Variants in KBTBD3 observed in about 807,000 individuals in gnomAD.
The protein encoded by KBTBD3 is kelch repeat and BTB domain containing 3.
KBTBD3 carries 38 observed loss-of-function variants against 49.6 expected under a neutral mutation model. That is an observed-to-expected ratio of 0.77 (90% CI 0.59 to 1.00). The LOEUF is 1.00. Ranked by LOEUF, KBTBD3 falls within the 50% of genes least tolerant of loss-of-function variation. The pLI is 0.00. For missense variants in KBTBD3, 661 were observed against 712.0 expected (o/e 0.93, Z 0.81); for synonymous variants, 214 against 250.4 (o/e 0.85, Z 1.37).
At chr11:106,069,210 T>C (rs570956492) in intron 2 of KBTBD3, among the ~76,000 whole-genome samples, 1 of 152,140 alleles carries the variant, frequency 6.6e-6, no homozygotes, top group Non-Finnish European at 1.5e-5. Context: ...AAGTATATTA[T>C]TCAGTTTCCA....
In KBTBD3 at chr11:106,054,116, T is replaced by C; in HGVS notation, c.573A>G (p.Leu191=). 3.1e-6 allele frequency: 5 copies of C among 1,613,148 alleles called. No individual in the cohort carries two copies. The highest frequency in any genetic ancestry group is 2.2e-5 in the South Asian group (2 of 90,992). ...FSLLFKSSDF[L]EMNFGVLQKC... ...TCTGTAGTACTCCAAAATTCATCTC[T>C]AAGAAATCACTGGATTTAAATAATA... The change falls in exon 4 of 4, where the codon TTA becomes TTG. Residue 191 remains leucine (L), a synonymous_variant. Transcript: ENST00000531837.
At position 106,058,984 on chromosome 11, in the gene KBTBD3, GA is replaced by G; in HGVS notation, c.113del (p.Ile38ThrfsTer2). The G allele has an allele frequency of 6.4e-7, 1 of 1,551,402 alleles. No individual in the cohort carries two copies. Among genetic ancestry groups the G allele is most frequent in the Non-Finnish European group, 8.6e-7 (1 of 1,158,778 alleles). On this transcript the variant is annotated frameshift_variant, in exon 3 of 4. Transcript: ENST00000531837. LOFTEE classifies it high-confidence loss of function. ...CTCTAAAATTCTGTAGTACACTTAAGATTTTTTGTCCATGATCTTCTGATAC... is the reference window on the plus strand; with the variant it reads ...CTCTAAAATTCTGTAGTACACTTAAGTTTTTTGTCCATGATCTTCTGATAC... Reference protein sequence around the residue: ...FLVSEDHGQKILSVLQNFREQ... With the variant: ...FLVSEDHGQKXLSVLQNFREQ...
chr11:106,054,094 G>A lies in KBTBD3; in HGVS notation c.595C>T (p.Gln199Ter), dbSNP rs559319502. ...AATTCATCTGATTCCAGACATTTCTGTAGTACTCCAAAATTCATCTCTAAG... is the reference window on the plus strand; with the variant it reads ...AATTCATCTGATTCCAGACATTTCTATAGTACTCCAAAATTCATCTCTAAG... ...DFLEMNFGVL[Q>*]KCLESDELNV... The change falls in exon 4 of 4, where the codon CAG (glutamine) becomes TAG (stop). Residue 199 changes from glutamine to a stop codon, truncating the protein, a stop_gained. Transcript: ENST00000531837. LOFTEE classifies it high-confidence loss of function. 24 of 1,613,286 alleles carry A rather than the reference G, an allele frequency of 1.5e-5. No individual in the cohort carries two copies. Among genetic ancestry groups the A allele is most frequent in the Admixed American group, 1.2e-4 (7 of 59,874 alleles).
At chr11:106,072,316 G>A (rs148492170) in intron 2 of KBTBD3, among the ~76,000 whole-genome samples, 647 of 152,186 alleles carry the variant, frequency 4.3e-3, no homozygotes, top group Non-Finnish European at 4.7e-3. Flanking sequence ...CTCAGCCAAT[G>A]AATTTTGCTC....
In KBTBD3 at chr11:106,058,920, C is replaced by T. The variant is rs749811272; in HGVS notation, c.178G>A (p.Asp60Asn). 37 of 1,575,750 alleles carry T rather than the reference C, an allele frequency of 2.3e-5. No homozygotes were observed. Among genetic ancestry groups the T allele is most frequent in the Non-Finnish European group, 3.1e-5 (36 of 1,168,280 alleles). ...CAACGATGACACGGGATTATTTCATCTTTCATAATTATTTTGAAATCATAA... is the reference window on the plus strand; with the variant it reads ...CAACGATGACACGGGATTATTTCATTTTTCATAATTATTTTGAAATCATAA... The part of the protein sequence containing the change: ...VFYDFKIIMK[D>N]EIIPCHRCVL... The change falls in exon 3 of 4, where the codon GAT becomes AAT. Residue 60 changes from aspartate (D) to asparagine (N), a missense_variant. Transcript: ENST00000531837.
chr11:106,063,718 G>T (rs1018645621), intron 2 of KBTBD3, among the ~76,000 whole-genome samples: 1 of 151,940 alleles, frequency 6.6e-6, no homozygotes, highest in Non-Finnish European at 1.5e-5. Context: ...AGATCACATG[G>T]TCAAGAGATC....
chr11:106,054,333 T>C lies in KBTBD3; in HGVS notation c.356A>G (p.Asp119Gly), dbSNP rs1368832774. ...YAYTGKTKIT[D>G]DNVEMFFQLS... ...CTGGAAGAACATTTCCACATTATCA[T>C]CTGTTATTTTTGTTTTTCCAGTATA... Residue 119 changes from aspartate to glycine, a missense_variant, in exon 4 of 4, where the codon GAT becomes GGT. By Grantham distance (94) the Asp-to-Gly change is moderately conservative (BLOSUM62 -1). Transcript: ENST00000531837. 4 of 1,613,214 alleles carry C rather than the reference T, an allele frequency of 2.5e-6. No individual in the cohort carries two copies. In the Admixed American group the frequency reaches 5.0e-5, roughly 20 times the overall value.
At chr11:106,057,639 G>A (rs1860582375) in intron 3 of KBTBD3, 1 of 157,838 alleles carries the variant, frequency 6.3e-6, no homozygotes, top group African/African-American at 2.4e-5. Context: ...TTATGAATAG[G>A]ACATTCTCTT....
intron 2 of KBTBD3, among the ~76,000 whole-genome samples, chr11:106,072,982 G>A (rs1860948619): frequency 6.6e-6 from 1 of 152,194 alleles, no homozygotes; most frequent in Non-Finnish European, 1.5e-5. Context: ...GAAGACACAA[G>A]TAGGAAGTGG....
At chr11:106,068,525 T>C (rs1166434488) in intron 2 of KBTBD3, among the ~76,000 whole-genome samples, 1 of 152,170 alleles carries the variant, frequency 6.6e-6, no homozygotes, top group African/African-American at 2.4e-5. Flanking sequence ...TAGCATTAAG[T>C]GCTTACATTA....
chr11:106,066,782 A>T (rs1860817454), intron 2 of KBTBD3, among the ~76,000 whole-genome samples: 1 of 151,680 alleles, frequency 6.6e-6, no homozygotes, highest in African/African-American at 2.4e-5. Flanking sequence ...GTTTAGATGT[A>T]TCTTTCCCTA....
chr11:106,072,588 A>T (rs1412155840), intron 2 of KBTBD3, among the ~76,000 whole-genome samples: 2 of 152,192 alleles, frequency 1.3e-5, no homozygotes, highest in Admixed American at 1.3e-4. Flanking sequence ...TGATTTAAAG[A>T]ATTGAATGAA....
At chr11:106,075,120 G>C (rs574390718) in intron 2 of KBTBD3, among the ~76,000 whole-genome samples, 1 of 152,072 alleles carries the variant, frequency 6.6e-6, no homozygotes, top group Non-Finnish European at 1.5e-5. Context: ...AATAGAATAC[G>C]AGTCCCTCAG....
Position 106,052,858 on chromosome 11 carries a change from A to G in KBTBD3, c.1831T>C (p.Cys611Arg). 6.2e-7 allele frequency: 1 copy of G among 1,609,646 alleles called. No individual in the cohort carries two copies. The highest frequency in any genetic ancestry group is 8.5e-7 in the Non-Finnish European group (1 of 1,177,914). ...GACTCGTTTTAGAATGTTCAAGCACATAGATTAGAAAACCATGGGTCTCTG... is the reference window on the plus strand; with the variant it reads ...GACTCGTTTTAGAATGTTCAAGCACGTAGATTAGAAAACCATGGGTCTCTG... ...KYRDPWFSNL[C>R]A The change falls in exon 4 of 4, where the codon TGT (cysteine) becomes CGT (arginine). Residue 611 changes from cysteine (C) to arginine (R), a missense_variant. Transcript: ENST00000531837.
At chr11:106,057,729 G>C (rs991367287) in intron 3 of KBTBD3, 4 of 242,340 alleles carry the variant, frequency 1.7e-5, no homozygotes, top group Non-Finnish European at 3.1e-5. Context: ...TTCAAGAAAT[G>C]CCTTATAGCT....
At chr11:106,061,927 T>A (rs1441062038) in intron 2 of KBTBD3, among the ~76,000 whole-genome samples, 1 of 152,066 alleles carries the variant, frequency 6.6e-6, no homozygotes, top group Non-Finnish European at 1.5e-5. Context: ...GATTAATACA[T>A]CTGCCTAGTG....
chr11:106,058,967 TTCTGTAGTACA>T lies in KBTBD3; in HGVS notation c.120_130del (p.Ser40ArgfsTer3), dbSNP rs762714034. On this transcript the variant is annotated frameshift_variant, in exon 3 of 4. Transcript: ENST00000531837. LOFTEE classifies it high-confidence loss of function. ...ATAAAAGACATTTTGTTCTCTAAAA[TTCTGTAGTACA>T]CTTAAGATTTTTTGTCCATGATCTT... 1.3e-6 allele frequency: 2 copies of T among 1,562,886 alleles called. No homozygotes were observed. The highest frequency in any genetic ancestry group is 1.7e-6 in the Non-Finnish European group (2 of 1,162,268).
chr11:106,069,593 C>T (rs1421557085), intron 2 of KBTBD3, among the ~76,000 whole-genome samples: 3 of 149,628 alleles, frequency 2.0e-5, no homozygotes, highest in African/African-American at 7.3e-5. Context: ...ATATAAAATG[C>T]TAAAAAAAAA....
In KBTBD3 at chr11:106,053,861, C is replaced by T. The variant is rs1202855187; in HGVS notation, c.828G>A (p.Lys276=). Residue 276 remains lysine (K), a synonymous_variant, in exon 4 of 4, where the codon AAG becomes AAA. Transcript: ENST00000531837. The part of the protein sequence containing the change: ...NCFDIIMDAI[K]CVQGSGGLFP... ...AGAGTCCACCAGAACCTTGCACACA[C>T]TTAATTGCATCCATGATTATGTCAA... 8 of 1,613,920 alleles carry T rather than the reference C, an allele frequency of 5.0e-6. No homozygotes were observed. In the East Asian group the frequency reaches 1.8e-4, roughly 36 times the overall value.
Sources: gnomAD v4.1 joint callset for allele counts (sites outside exome capture counted in the v4.1 genomes callset) on GRCh38, gnomAD v4.1.1 for gene constraint, MANE v1.5 for transcripts, NCBI Gene and HGNC (gene_info 2026-07-23, HGNC 2026-07-21) for gene names.